The following XKR9 variants were observed in gnomAD, a reference collection of about 807,000 sequenced individuals.
The protein encoded by XKR9 is XK related 9, also known as XK-related protein 9.
A neutral mutation model predicts 32.0 loss-of-function variants in XKR9; 32 were observed. That is an observed-to-expected ratio of 1.00 (90% CI 0.76 to 1.34). The LOEUF is 1.34. Ranked by LOEUF, XKR9 falls within the 40% of genes most tolerant of loss-of-function variation. XKR9 has a pLI of 0.00. For missense variants in XKR9, 546 were observed against 429.7 expected (o/e 1.27, Z -2.39); for synonymous variants, 168 against 143.4 (o/e 1.17, Z -1.22).
At chr8:70,787,550 C>T (rs546273485) in intron 2 of XKR9, among the ~76,000 whole-genome samples, 4 of 152,208 alleles carry the variant, frequency 2.6e-5, no homozygotes, top group African/African-American at 9.6e-5. Flanking sequence ...GTACACAGTG[C>T]ATTCCACCAG....
At chr8:70,709,412 C>T (rs1458435607) in intron 4 of XKR9, among the ~76,000 whole-genome samples, 1 of 152,190 alleles carries the variant, frequency 6.6e-6, no homozygotes, top group East Asian at 1.9e-4. Flanking sequence ...TGCCCATTCT[C>T]ACCACTCCTG....
chr8:70,805,202 G>A, the XKR9 span, among the ~76,000 whole-genome samples: 1 of 152,202 alleles, frequency 6.6e-6, no homozygotes, highest in Non-Finnish European at 1.5e-5. Flanking sequence ...CCACCCCCCA[G>A]CCAAGGGAGG....
intron 4 of XKR9, among the ~76,000 whole-genome samples, chr8:70,730,277 T>G (rs1806620901): frequency 6.6e-6 from 1 of 152,196 alleles, no homozygotes. Context: ...TAGTGCATCT[T>G]CAATGTTAAA....
At chr8:70,886,334 C>T in the XKR9 span, among the ~76,000 whole-genome samples, 1 of 152,066 alleles carries the variant, frequency 6.6e-6, no homozygotes, top group African/African-American at 2.4e-5. Flanking sequence ...TATTGTACAT[C>T]ATGCTGCAAT....
At chr8:70,966,513 T>G in the XKR9 span, among the ~76,000 whole-genome samples, 1 of 152,240 alleles carries the variant, frequency 6.6e-6, no homozygotes, top group East Asian at 1.9e-4. Context: ...TTGCATTTGC[T>G]GAGGAGTGTT....
chr8:70,773,230 G>A (rs1471323835), intron 2 of XKR9, among the ~76,000 whole-genome samples: 1 of 152,116 alleles, frequency 6.6e-6, no homozygotes, highest in Non-Finnish European at 1.5e-5. Flanking sequence ...AGTTCAGGTT[G>A]CCCAACCAAA....
the XKR9 span, among the ~76,000 whole-genome samples, chr8:71,049,878 T>G: frequency 1.3e-5 from 2 of 152,116 alleles, no homozygotes; most frequent in Non-Finnish European, 2.9e-5. Flanking sequence ...AGGAGAGTAG[T>G]CCACTTAAAT....
At position 70,754,837 on chromosome 8, in the gene XKR9, C is replaced by G. The variant is rs560988684; in HGVS notation, n.353-34502C>G. On this transcript the variant is annotated intron_variant and non_coding_transcript_variant, in intron 2 of 3. Coordinates refer to the XKR9 transcript ENST00000520273. ...AGAAGAAAACCTAGGCATTACCATTCAGGACACAGGCATGGGCAAGGACTT... is the reference window on the plus strand; with the variant it reads ...AGAAGAAAACCTAGGCATTACCATTGAGGACACAGGCATGGGCAAGGACTT... Among the ~76,000 whole-genome samples, 16 of 152,136 alleles carry G rather than the reference C, an allele frequency of 1.1e-4. No homozygotes were observed. In the South Asian group the frequency reaches 3.1e-3, roughly 30 times the overall value.
chr8:70,954,414 C>T, the XKR9 span, among the ~76,000 whole-genome samples: 1 of 152,358 alleles, frequency 6.6e-6, no homozygotes, highest in East Asian at 1.9e-4. Context: ...TCCCTCCCTT[C>T]TCCACCTTGA....
At chr8:70,861,331 A>G in the XKR9 span, among the ~76,000 whole-genome samples, 1 of 152,040 alleles carries the variant, frequency 6.6e-6, no homozygotes, top group Admixed American at 6.6e-5. Flanking sequence ...TGTAAAATGG[A>G]GATTATAATA....
chr8:71,057,666 C>G, the XKR9 span, among the ~76,000 whole-genome samples: 7 of 152,256 alleles, frequency 4.6e-5, no homozygotes, highest in Non-Finnish European at 1.0e-4. Context: ...ACATTCCCTC[C>G]TATCCACTCT....
chr8:71,053,527 A>G, the XKR9 span, among the ~76,000 whole-genome samples: 1 of 152,242 alleles, frequency 6.6e-6, no homozygotes, highest in Admixed American at 6.5e-5. Context: ...GTTCAGACTG[A>G]ATCTGAAAAA....
the XKR9 span, among the ~76,000 whole-genome samples, chr8:70,847,056 C>T: frequency 6.6e-6 from 1 of 152,000 alleles, no homozygotes; most frequent in African/African-American, 2.4e-5. Flanking sequence ...CTCATCAACA[C>T]ATAAAACATT....
At chr8:70,949,380 C>A in the XKR9 span, among the ~76,000 whole-genome samples, 1 of 151,258 alleles carries the variant, frequency 6.6e-6, no homozygotes, top group East Asian at 1.9e-4. Context: ...ATTTAAAACA[C>A]CTCAAAGTTA....
the XKR9 span, among the ~76,000 whole-genome samples, chr8:70,906,168 G>A: frequency 6.6e-6 from 1 of 152,198 alleles, no homozygotes; most frequent in African/African-American, 2.4e-5. Context: ...TCAGACAGGG[G>A]CGTTTAAGTC....
chr8:70,784,308 C>T (rs1807654895), intron 2 of XKR9, among the ~76,000 whole-genome samples: 1 of 152,122 alleles, frequency 6.6e-6, no homozygotes, highest in South Asian at 2.1e-4. Context: ...TGGACATTTT[C>T]ACACTATTAG....
the XKR9 span, among the ~76,000 whole-genome samples, chr8:70,875,496 G>A: frequency 6.6e-6 from 1 of 152,148 alleles, no homozygotes; most frequent in Non-Finnish European, 1.5e-5. Context: ...GAAGCTGTGT[G>A]AATTATGTTA....
At chr8:70,891,676 C>T in the XKR9 span, among the ~76,000 whole-genome samples, 1 of 151,996 alleles carries the variant, frequency 6.6e-6, no homozygotes, top group African/African-American at 2.4e-5. Context: ...TGTGGCCTAA[C>T]ATGTGGTTTA....
the XKR9 span, among the ~76,000 whole-genome samples, chr8:70,945,304 C>T: frequency 6.6e-6 from 1 of 152,084 alleles, no homozygotes; most frequent in Admixed American, 6.5e-5. Flanking sequence ...CATGAGTCAC[C>T]CTATGCCTAA....
Sources: gnomAD v4.1 joint callset for allele counts (sites outside exome capture counted in the v4.1 genomes callset) on GRCh38, gnomAD v4.1.1 for gene constraint, MANE v1.5 for transcripts, NCBI Gene and HGNC (gene_info 2026-07-23, HGNC 2026-07-21) for gene names.